Variants in LRRTM4 observed in about 807,000 individuals in gnomAD.
LRRTM4 encodes leucine rich repeat transmembrane neuronal 4.
A neutral mutation model predicts 47.6 loss-of-function variants in LRRTM4; 25 were observed. That is an observed-to-expected ratio of 0.53 (90% CI 0.38 to 0.73). The LOEUF is 0.73. Among genes scored for constraint, LRRTM4 ranks in the 30% least tolerant of loss-of-function variants. LRRTM4 has a pLI of 0.00. For synonymous variants in LRRTM4, 311 were observed against 269.5 expected, an observed-to-expected ratio of 1.15 and a Z score of -1.51; for missense variants, 638 against 713.4, an observed-to-expected ratio of 0.89 and a Z score of 1.20.
At chr2:77,140,592 A>C in intron 3 of LRRTM4, among the ~76,000 whole-genome samples, 1 of 152,296 alleles carries the variant, frequency 6.6e-6, no homozygotes, top group South Asian at 2.1e-4. Context: ...AAAACACCAA[A>C]AGCAATGGCA....
Sources: gnomAD v4.1 joint callset for allele counts (sites outside exome capture counted in the v4.1 genomes callset) on GRCh38, gnomAD v4.1.1 for gene constraint, MANE v1.5 for transcripts, NCBI Gene and HGNC (gene_info 2026-07-23, HGNC 2026-07-21) for gene names.